Variants in GGT7 observed in about 807,000 individuals in gnomAD.
GGT7 encodes the protein glutathione hydrolase 7.
Under a neutral mutation model 69.2 loss-of-function variants are expected in GGT7, and 30 were observed. The ratio of observed to expected loss-of-function variants is 0.43; its 90% CI spans 0.32 to 0.59. GGT7 has a LOEUF of 0.59. GGT7 is among the 20% of genes least tolerant of loss of function. GGT7 has a pLI of 0.05. For missense variants in GGT7, 733 were observed against 901.1 expected, an observed-to-expected ratio of 0.81 and a Z score of 2.39; for synonymous variants, 388 against 391.8, an observed-to-expected ratio of 0.99 and a Z score of 0.12.
At position 34,845,024 on chromosome 20, in the gene GGT7, C is replaced by A. The variant is rs1344373487; in HGVS notation, c.*304G>T. The A allele has an allele frequency of 2.6e-6, 1 of 383,226 alleles. No homozygotes were observed. The highest frequency in any genetic ancestry group is 4.7e-6 in the Non-Finnish European group (1 of 210,624). The allele number at this position is 383,226 out of a possible 1,614,324, so 23.7% of individuals were successfully genotyped here. ...AGCACATCCCTAAGCTCGGGGCCAG[C>A]ATGGCTGAAGGAGGAGAGGTGACAC... On this transcript the variant is annotated 3_prime_UTR_variant, in exon 15 of 15. Coordinates refer to ENST00000336431, the MANE Select transcript of GGT7 (RefSeq NM_178026.3).
At chr20:34,851,827 A>G (rs528533128) in intron 12 of GGT7, among the ~76,000 whole-genome samples, 78 of 152,376 alleles carry the variant, frequency 5.1e-4, no homozygotes, top group African/African-American at 1.7e-3. Context: ...TCAAGCTCAC[A>G]TAGTCACAGA....
rs2079408318 is a variant in GGT7, at chr20:34,852,270, G to A, written c.1472C>T (p.Ser491Phe). Residue 491 changes from serine to phenylalanine, a missense_variant and splice_region_variant, in exon 12 of 15, where the codon TCC becomes TTC. Coordinates refer to ENST00000336431, the MANE Select transcript of GGT7 (RefSeq NM_178026.3). ...PDDFIVAMVS[S>F]LNQPFGSGLI... ...GCCGCTGCCAAAGGGCTGGTTCAGG[G>A]AGCTGGGGGCCGAGGTGGGGTTGGG... 1 of 1,612,262 alleles carries A rather than the reference G, an allele frequency of 6.2e-7. No individual in the cohort carries two copies. Among genetic ancestry groups the A allele is most frequent in the Non-Finnish European group, 8.5e-7 (1 of 1,178,288 alleles).
intron 3 of GGT7, among the ~76,000 whole-genome samples, chr20:34,862,556 T>C (rs2079615282): frequency 6.6e-6 from 1 of 151,182 alleles, no homozygotes; most frequent in Admixed American, 6.6e-5. Context: ...CATCTTAATT[T>C]ATGGTTTACA....
intron 1 of GGT7, among the ~76,000 whole-genome samples, chr20:34,865,030 C>T (rs1377356650): frequency 6.6e-6 from 1 of 152,150 alleles, no homozygotes; most frequent in Non-Finnish European, 1.5e-5. Flanking sequence ...GCATATTGGC[C>T]AGGCTGGTCT....
At chr20:34,856,197 T>C (rs1382364177) in intron 8 of GGT7, among the ~76,000 whole-genome samples, 1 of 152,216 alleles carries the variant, frequency 6.6e-6, no homozygotes, top group African/African-American at 2.4e-5. Flanking sequence ...TTCCTGGGGC[T>C]TGATGTGATC....
Position 34,845,301 on chromosome 20 carries a change from G to A in GGT7, c.*27C>T, listed in dbSNP as rs1035391864. On this transcript the variant is annotated 3_prime_UTR_variant, in exon 15 of 15. Transcript: ENST00000336431. ...CTCTGGGAACATGCAAAGTGGGGGA[G>A]CAGAGACCCCGCCCCACCCCGCTGC... The A allele has an allele frequency of 6.3e-6, 10 of 1,593,838 alleles. No individual in the cohort carries two copies. Among genetic ancestry groups the A allele is most frequent in the African/African-American group, 5.4e-5 (4 of 74,658 alleles).
At chr20:34,864,156 T>A (rs957354139) in intron 1 of GGT7, among the ~76,000 whole-genome samples, 1 of 151,804 alleles carries the variant, frequency 6.6e-6, no homozygotes, top group South Asian at 2.1e-4. Context: ...AATGACAGAA[T>A]AATGGTGGTA....
At position 34,863,036 on chromosome 20, in the gene GGT7, C is replaced by T. The variant is rs1475224493; in HGVS notation, c.406-71G>A. ...CCTCCCTAGGGCACCTCCACTAGCCCTAGAACTCTACGCGGCATGAAGGTC... is the reference window on the plus strand; with the variant it reads ...CCTCCCTAGGGCACCTCCACTAGCCTTAGAACTCTACGCGGCATGAAGGTC... On this transcript the variant is annotated intron_variant, in intron 2 of 14. Transcript: ENST00000336431. This position sits in a 1 kb window ranked among gnomAD's most constrained non-coding sequence, Gnocchi z 4.4. 2 of 1,457,138 alleles carry T rather than the reference C, an allele frequency of 1.4e-6. No individual in the cohort carries two copies. Among genetic ancestry groups the T allele is most frequent in the Admixed American group, 4.0e-5 (2 of 50,268 alleles). 90.3% of individuals were successfully genotyped at this position (1,457,138 alleles called of 1,614,324 possible).
chr20:34,846,455 C>T (rs2079308527), intron 14 of GGT7, among the ~76,000 whole-genome samples: 1 of 151,926 alleles, frequency 6.6e-6, no homozygotes, highest in Non-Finnish European at 1.5e-5. Flanking sequence ...AGGCTTGCGC[C>T]ACCACACCCG....
At chr20:34,847,443 A>G (rs1485438785) in intron 14 of GGT7, among the ~76,000 whole-genome samples, 1 of 152,212 alleles carries the variant, frequency 6.6e-6, no homozygotes, top group Non-Finnish European at 1.5e-5. Flanking sequence ...CCGCTTCTCA[A>G]TAAAGATCTA....
At chr20:34,855,170 G>T (rs1203322451) in intron 8 of GGT7, among the ~76,000 whole-genome samples, 2 of 152,172 alleles carry the variant, frequency 1.3e-5, no homozygotes, top group Non-Finnish European at 2.9e-5. Flanking sequence ...GAAAACTAAG[G>T]CTCAAGAGGG....
chr20:34,847,309 C>T (rs1398648502), intron 14 of GGT7, among the ~76,000 whole-genome samples: 1 of 152,156 alleles, frequency 6.6e-6, no homozygotes, highest in African/African-American at 2.4e-5. Context: ...ATTTCCCTGA[C>T]TTAAATTCTC....
intron 9 of GGT7, 25 bp downstream of exon 9, chr20:34,854,771 G>A (rs2079462278): frequency 1.2e-6 from 2 of 1,613,696 alleles, no homozygotes; most frequent in African/African-American, 1.3e-5. Context: ...TTAAATCCAG[G>A]GAAAGGCAGA....
chr20:34,869,619 C>G (rs1468163144), intron 1 of GGT7, among the ~76,000 whole-genome samples: 1 of 152,102 alleles, frequency 6.6e-6, no homozygotes, highest in Admixed American at 6.6e-5. Context: ...GCTTAGTCTA[C>G]AGTGGTGATG....
intron 1 of GGT7, among the ~76,000 whole-genome samples, chr20:34,871,838 C>T (rs1357842302): frequency 6.6e-6 from 1 of 152,106 alleles, no homozygotes; most frequent in African/African-American, 2.4e-5. Flanking sequence ...TGAAGCTGGG[C>T]CACATGGCTA....
In GGT7 at chr20:34,872,831, C is replaced by G. The variant is rs777535780; in HGVS notation, c.-16G>C. The stretch of plus-strand genomic sequence containing the variant: ...CCGCCGCCATCCTCGCCCGCGCCCC[C>G]CAGCAGCGCAGCGCCTGCCGGAAGT... On this transcript the variant is annotated 5_prime_UTR_variant, in exon 1 of 15. Transcript: ENST00000336431. The G allele has an allele frequency of 2.6e-5, 35 of 1,333,540 alleles. No homozygotes were observed. The East Asian group carries it at 4.3e-4, about 17-fold the overall frequency. The allele number at this position is 1,333,540 out of a possible 1,614,324, so 82.6% of individuals were successfully genotyped here. A position where few individuals can be genotyped will look rare whatever the true frequency, so the allele number is the denominator to read the frequency against.
At chr20:34,855,632 T>G (rs538350828) in intron 8 of GGT7, among the ~76,000 whole-genome samples, 17 of 152,244 alleles carry the variant, frequency 1.1e-4, no homozygotes, top group African/African-American at 4.1e-4. Flanking sequence ...ATCAAATCCT[T>G]ATGGGCATCC....
At position 34,845,611 on chromosome 20, in the gene GGT7, C is replaced by T. The variant is rs1172186601; in HGVS notation, c.1826-120G>A. 3.7e-6 allele frequency: 3 copies of T among 805,862 alleles called. No individual in the cohort carries two copies. The African/African-American group carries it at 5.2e-5, about 14-fold the overall frequency. 49.9% of individuals were successfully genotyped at this position (805,862 alleles called of 1,614,324 possible). ...CACCACAGAGCTGTATGACCTTGGA[C>T]AAATCACTTTACCTTGCTGAGCCTC... On this transcript the variant is annotated intron_variant, in intron 14 of 14. Transcript: ENST00000336431.
Position 34,854,610 on chromosome 20 carries a change from T to C in GGT7, c.1240A>G (p.Ile414Val). The C allele has an allele frequency of 6.2e-7, 1 of 1,611,816 alleles. No homozygotes were observed. The highest frequency in any genetic ancestry group is 8.5e-7 in the Non-Finnish European group (1 of 1,177,990). The change falls in exon 10 of 15, where the codon ATT becomes GTT. Residue 414 changes from isoleucine to valine, a missense_variant. Transcript: ENST00000336431. ...AGTCTGCTGGCCAGGGCTAATGCAA[T>C]CTTCAGGGTCTGAAAATACAGCAGG... ...ALHWVAETLK[I>V]ALALASRLGD...
Sources: allele counts gnomAD v4.1 joint callset (sites outside exome capture counted in the v4.1 genomes callset), GRCh38; gene constraint gnomAD v4.1.1; non-coding constraint Gnocchi (gnomAD v3.1); transcripts MANE v1.5; gene names NCBI Gene and HGNC (gene_info 2026-07-23, HGNC 2026-07-21).